The following BMP6 variants were observed in gnomAD, a reference collection of about 807,000 sequenced individuals.
The protein encoded by BMP6 is bone morphogenetic protein 6.
A neutral mutation model predicts 54.1 loss-of-function variants in BMP6; 17 were observed. The ratio of observed to expected loss-of-function variants is 0.31; its 90% CI spans 0.22 to 0.47. BMP6 has a LOEUF of 0.47. Among genes scored for constraint, BMP6 ranks in the 20% least tolerant of loss-of-function variants. The pLI, the probability that BMP6 is intolerant of heterozygous loss-of-function variation, is 1.00. For missense variants in BMP6, 720 were observed against 690.4 expected, an observed-to-expected ratio of 1.04 and a Z score of -0.48; for synonymous variants, 328 against 291.2, an observed-to-expected ratio of 1.13 and a Z score of -1.28.
At position 7,745,900 on chromosome 6, in the gene BMP6, G is replaced by A. The variant is rs541124625; in HGVS notation, c.664+18281G>A. On this transcript the variant is annotated intron_variant, in intron 1 of 6. Coordinates refer to ENST00000283147, the MANE Select transcript of BMP6 (RefSeq NM_001718.6). Reference sequence around the variant, plus strand: ...GGAGAATCACTTGAACCCAGGAGGCGGAGGTTGCAGTGGGCCGAGATTGCG... The same window carrying A: ...GGAGAATCACTTGAACCCAGGAGGCAGAGGTTGCAGTGGGCCGAGATTGCG... Among the ~76,000 whole-genome samples, 3 of 152,088 alleles carry A rather than the reference G, an allele frequency of 2.0e-5. No homozygotes were observed. In the South Asian group the frequency reaches 6.2e-4, roughly 32 times the overall value.
intron 1 of BMP6, among the ~76,000 whole-genome samples, chr6:7,840,669 G>T (rs1480688558): frequency 6.6e-6 from 1 of 152,020 alleles, no homozygotes; most frequent in East Asian, 1.9e-4. Flanking sequence ...TTTTAGAAAT[G>T]CAGTGGTAGA....
chr6:7,743,567 T>C (rs1376686976), intron 1 of BMP6, among the ~76,000 whole-genome samples: 2 of 152,218 alleles, frequency 1.3e-5, no homozygotes, highest in Non-Finnish European at 2.9e-5. Context: ...TTTATTCTCA[T>C]GCATGCATGC....
chr6:7,869,042 G>A (rs1249712883), intron 4 of BMP6, among the ~76,000 whole-genome samples: 1 of 152,222 alleles, frequency 6.6e-6, no homozygotes, highest in Non-Finnish European at 1.5e-5. Context: ...TGGGACCCAG[G>A]CTGGCTCTGG....
intron 1 of BMP6, among the ~76,000 whole-genome samples, chr6:7,738,515 C>T (rs1297864379): frequency 2.0e-5 from 3 of 152,112 alleles, no homozygotes; most frequent in Admixed American, 6.5e-5. Flanking sequence ...CCTGCTTGGC[C>T]GTGTAGCCCT....
intron 1 of BMP6, among the ~76,000 whole-genome samples, chr6:7,806,226 T>C (rs1229004504): frequency 1.3e-5 from 2 of 152,196 alleles, no homozygotes; most frequent in African/African-American, 4.8e-5. Context: ...CAGATCAGGG[T>C]CTTCAAGTGC....
intron 1 of BMP6, among the ~76,000 whole-genome samples, chr6:7,777,711 G>A (rs538127743): frequency 6.7e-6 from 1 of 150,178 alleles, no homozygotes; most frequent in African/African-American, 2.4e-5. Context: ...AAAGCTGAAA[G>A]TAAAGCATAA....
intron 1 of BMP6, among the ~76,000 whole-genome samples, chr6:7,785,444 TTGTGTTTTATTATA>T (rs1427531586): frequency 6.6e-6 from 1 of 152,194 alleles, no homozygotes; most frequent in Non-Finnish European, 1.5e-5. Context: ...GTAAGATTGG[TTGTGTTTTATTATA>T]GGATTTAATG....
At position 7,833,918 on chromosome 6, in the gene BMP6, T is replaced by G. The variant is rs78874179; in HGVS notation, c.665-11222T>G. ...TGCTAAAAAACGACAAGATCCAGGA[T>G]AAACAAAAGCAAACTTGCCTAAAGT... On this transcript the variant is annotated intron_variant, in intron 1 of 6. Transcript: ENST00000283147. Among the ~76,000 whole-genome samples, 1,252 of 152,262 alleles carry G rather than the reference T, an allele frequency of 8.2e-3. 23 individuals are homozygous for G. Among genetic ancestry groups the G allele is most frequent in the African/African-American group, 0.029 (1,212 of 41,552 alleles).
intron 2 of BMP6, among the ~76,000 whole-genome samples, chr6:7,847,033 AAGAG>A (rs1385425434): frequency 2.0e-5 from 3 of 152,222 alleles, no homozygotes; most frequent in Admixed American, 6.5e-5. Context: ...TGTTTTAAAA[AAGAG>A]AGAGAGAAAG....
chr6:7,804,255 G>T (rs1438879441), intron 1 of BMP6, among the ~76,000 whole-genome samples: 1 of 151,780 alleles, frequency 6.6e-6, no homozygotes, highest in Non-Finnish European at 1.5e-5. Context: ...AAGCCATCGG[G>T]TAGGAAATTA....
intron 1 of BMP6, among the ~76,000 whole-genome samples, chr6:7,755,565 C>CA (rs1757502281): frequency 6.6e-6 from 1 of 152,180 alleles, no homozygotes; most frequent in South Asian, 2.1e-4. Context: ...AGCAGTCAAT[C>CA]ACGTTTTAAA....
At chr6:7,797,848 G>A (rs1374085388) in intron 1 of BMP6, among the ~76,000 whole-genome samples, 1 of 152,160 alleles carries the variant, frequency 6.6e-6, no homozygotes. Context: ...TGTTTTATGT[G>A]TGTTTTTCTT....
chr6:7,784,887 C>T (rs545223853), intron 1 of BMP6, among the ~76,000 whole-genome samples: 7 of 152,238 alleles, frequency 4.6e-5, no homozygotes, highest in Admixed American at 1.3e-4. Flanking sequence ...GCAGAGTTTA[C>T]GCTGAGGAAG....
chr6:7,792,447 A>G (rs1004501244), intron 1 of BMP6, among the ~76,000 whole-genome samples: 1 of 152,212 alleles, frequency 6.6e-6, no homozygotes, highest in African/African-American at 2.4e-5. Flanking sequence ...GTATTTTACT[A>G]TATTGAAGTG....
At chr6:7,817,688 C>T (rs1039643178) in intron 1 of BMP6, among the ~76,000 whole-genome samples, 4 of 151,814 alleles carry the variant, frequency 2.6e-5, no homozygotes, top group East Asian at 3.9e-4. Flanking sequence ...CAAACCTGCA[C>T]ATTGTGCACA....
At chr6:7,876,092 C>G (rs1191308950) in intron 4 of BMP6, among the ~76,000 whole-genome samples, 2 of 152,202 alleles carry the variant, frequency 1.3e-5, no homozygotes, top group Non-Finnish European at 2.9e-5. Context: ...CCTATCTAGG[C>G]ATTCCCCCAC....
In BMP6 at chr6:7,730,369, C is replaced by T. The variant is rs375891170; in HGVS notation, c.664+2750C>T. On this transcript the variant is annotated intron_variant, in intron 1 of 6. Coordinates refer to ENST00000283147, the MANE Select transcript of BMP6 (RefSeq NM_001718.6). The stretch of plus-strand genomic sequence containing the variant: ...CTCACCCAGTAGTGCAATTCCAGGC[C>T]CCAAGACAGGCTGACACAGAACTGA... Among the ~76,000 whole-genome samples the T allele has an allele frequency of 3.3e-5, 5 of 152,078 alleles. No individual in the cohort carries two copies. The East Asian group carries it at 9.6e-4, about 29-fold the overall frequency.
intron 1 of BMP6, among the ~76,000 whole-genome samples, chr6:7,769,622 A>T (rs1427964480): frequency 6.6e-6 from 1 of 152,100 alleles, no homozygotes; most frequent in East Asian, 1.9e-4. Context: ...GCATAGGAAA[A>T]CCCTTATGAT....
chr6:7,752,594 T>C (rs890571341), intron 1 of BMP6, among the ~76,000 whole-genome samples: 38 of 126,162 alleles, frequency 3.0e-4, no homozygotes, highest in African/African-American at 1.1e-3. Context: ...TAGAAGGAGG[T>C]CATTTTAATG....
Sources: gnomAD v4.1 joint callset for allele counts (sites outside exome capture counted in the v4.1 genomes callset) on GRCh38, gnomAD v4.1.1 for gene constraint, MANE v1.5 for transcripts, NCBI Gene and HGNC (gene_info 2026-07-23, HGNC 2026-07-21) for gene names.